Variants in FCHSD2 observed in about 807,000 individuals in gnomAD.
The protein encoded by FCHSD2 is F-BAR and double SH3 domains protein 2.
In FCHSD2, 38 loss-of-function variants were observed where a neutral mutation model predicts 108.1. The ratio of observed to expected loss-of-function variants is 0.35; its 90% CI spans 0.27 to 0.46. The LOEUF (loss-of-function observed/expected upper bound fraction) is 0.46. Among genes scored for constraint, FCHSD2 ranks in the 20% least tolerant of loss-of-function variants. FCHSD2 has a pLI of 1.00. For synonymous variants in FCHSD2, 279 were observed against 314.7 expected (o/e 0.89, Z 1.20); for missense variants, 751 against 897.8 (o/e 0.84, Z 2.09).
intron 8 of FCHSD2, chr11:72,983,730 C>G (rs1857259644): frequency 2.5e-6 from 1 of 401,416 alleles, no homozygotes; most frequent in Non-Finnish European, 4.9e-6. Context: ...TTATTGAAAC[C>G]ATGACATGAG....
Position 73,141,838 on chromosome 11 carries a change from C to A in FCHSD2, c.21+19G>T, listed in dbSNP as rs761219153. 3.2e-6 allele frequency: 5 copies of A among 1,543,236 alleles called. No homozygotes were observed. Among genetic ancestry groups the A allele is most frequent in the East Asian group, 5.0e-5 (2 of 40,312 alleles). ...TACGCATCTCTCCGAACCCCAAAGC[C>A]CCCCAGCTGCGCCCTTACCTTCCTC... On this transcript the variant is annotated intron_variant, in intron 1 of 19. Coordinates refer to ENST00000409418, the MANE Select transcript of FCHSD2 (RefSeq NM_014824.3).
At chr11:73,045,782 C>G (rs1270885676) in intron 3 of FCHSD2, among the ~76,000 whole-genome samples, 1 of 147,712 alleles carries the variant, frequency 6.8e-6, no homozygotes, top group African/African-American at 2.5e-5. Context: ...GTGGGGGGAG[C>G]GGGGAGGGAT....
intron 2 of FCHSD2, among the ~76,000 whole-genome samples, chr11:73,132,989 C>T (rs1861039105): frequency 6.6e-6 from 1 of 152,078 alleles, no homozygotes; most frequent in Non-Finnish European, 1.5e-5. Context: ...AGAAGATATA[C>T]AAATGGCCAA....
Position 72,952,323 on chromosome 11 carries a change from G to A in FCHSD2, c.706-30373C>T, listed in dbSNP as rs149772506. 9.2e-5 allele frequency among the ~76,000 whole-genome samples: 14 copies of A among 151,702 alleles called. No homozygotes were observed. The East Asian group carries it at 2.5e-3, about 27-fold the overall frequency. On this transcript the variant is annotated intron_variant, in intron 8 of 19. Transcript: ENST00000409418. ...TTGTTTGCTTGTGTTCACCAAGTTT[G>A]ACTATCTTTTTTTTTTTTTGAGACA...
chr11:73,135,071 C>A (rs373012061), intron 2 of FCHSD2, among the ~76,000 whole-genome samples: 15 of 152,312 alleles, frequency 9.8e-5, no homozygotes, highest in Admixed American at 8.5e-4. Context: ...CCAGGCTGGT[C>A]TCGAACTCCT....
intron 3 of FCHSD2, among the ~76,000 whole-genome samples, chr11:73,047,213 ATTATT>A (rs796104311): frequency 5.3e-4 from 81 of 152,216 alleles, no homozygotes; most frequent in African/African-American, 1.9e-3. Flanking sequence ...TACCACCCAT[ATTATT>A]TGAATTGTTA....
chr11:72,966,540 C>T (rs1358065682), intron 8 of FCHSD2, among the ~76,000 whole-genome samples: 1 of 152,144 alleles, frequency 6.6e-6, no homozygotes, highest in Admixed American at 6.5e-5. Flanking sequence ...GCCTGCATAG[C>T]TTCACTGCAA....
chr11:72,886,084 G>C (rs200590736), intron 12 of FCHSD2, among the ~76,000 whole-genome samples: 1 of 152,164 alleles, frequency 6.6e-6, no homozygotes, highest in Admixed American at 6.5e-5. Context: ...AACCTCTGGA[G>C]TTCTAAGGGG....
At chr11:73,059,130 C>T (rs1401686771) in intron 3 of FCHSD2, among the ~76,000 whole-genome samples, 2 of 152,120 alleles carry the variant, frequency 1.3e-5, no homozygotes, top group Non-Finnish European at 2.9e-5. Flanking sequence ...AGAATGCACA[C>T]TATAATTCAT....
At chr11:73,084,004 C>A (rs1265164241) in intron 2 of FCHSD2, among the ~76,000 whole-genome samples, 1 of 152,106 alleles carries the variant, frequency 6.6e-6, no homozygotes, top group Non-Finnish European at 1.5e-5. Flanking sequence ...TTCCTCCTTG[C>A]TAAAATGGGG....
intron 2 of FCHSD2, among the ~76,000 whole-genome samples, chr11:73,119,606 C>T (rs1295288539): frequency 6.6e-6 from 1 of 152,088 alleles, no homozygotes; most frequent in Non-Finnish European, 1.5e-5. Flanking sequence ...GCCACCATAC[C>T]TGGCTAATTT....
intron 11 of FCHSD2, among the ~76,000 whole-genome samples, chr11:72,889,002 T>C (rs1205138265): frequency 6.6e-6 from 1 of 152,084 alleles, no homozygotes; most frequent in Non-Finnish European, 1.5e-5. Flanking sequence ...TCGCCCAGGT[T>C]GGAGTGCAGT....
At chr11:72,866,242 C>G (rs1486507176) in intron 13 of FCHSD2, among the ~76,000 whole-genome samples, 4 of 141,646 alleles carry the variant, frequency 2.8e-5, no homozygotes, top group Non-Finnish European at 4.6e-5. Context: ...TGAGATGGAG[C>G]AACTCTGTTC....
At chr11:72,879,305 A>G (rs1266069171) in intron 12 of FCHSD2, among the ~76,000 whole-genome samples, 1 of 152,212 alleles carries the variant, frequency 6.6e-6, no homozygotes, top group Non-Finnish European at 1.5e-5. Flanking sequence ...CCTGGCAGCC[A>G]AAACAAAACT....
At chr11:72,963,339 ATTTAGAT>A (rs2135375575) in intron 8 of FCHSD2, among the ~76,000 whole-genome samples, 1 of 152,274 alleles carries the variant, frequency 6.6e-6, no homozygotes, top group Admixed American at 6.5e-5. Flanking sequence ...GCACTATCTC[ATTTAGAT>A]TTCCTAAAGC....
chr11:72,982,151 A>G (rs1169021034), intron 8 of FCHSD2, among the ~76,000 whole-genome samples: 1 of 152,248 alleles, frequency 6.6e-6, no homozygotes, highest in African/African-American at 2.4e-5. Context: ...GATTTCAGGC[A>G]GTGAACAAAA....
chr11:72,849,667 G>T, intron 14 of FCHSD2, 88 bp downstream of exon 14: 1 of 1,046,528 alleles, frequency 9.6e-7, no homozygotes, highest in Non-Finnish European at 1.4e-6. Context: ...TTTATGCTAA[G>T]TACAGCTTGA....
intron 8 of FCHSD2, among the ~76,000 whole-genome samples, chr11:72,967,529 T>C (rs1856933182): frequency 6.6e-6 from 1 of 152,206 alleles, no homozygotes; most frequent in South Asian, 2.1e-4. Context: ...CCACATATTG[T>C]ATGATTCCAT....
intron 8 of FCHSD2, among the ~76,000 whole-genome samples, chr11:72,970,148 G>C (rs997751723): frequency 5.3e-5 from 8 of 152,136 alleles, no homozygotes; most frequent in Non-Finnish European, 8.8e-5. Context: ...GATAAAGCAA[G>C]AAAACTCACT....
Sources: gnomAD v4.1 joint callset for allele counts (sites outside exome capture counted in the v4.1 genomes callset) on GRCh38, gnomAD v4.1.1 for gene constraint, MANE v1.5 for transcripts, NCBI Gene and HGNC (gene_info 2026-07-23, HGNC 2026-07-21) for gene names.